Variants in HTR7 observed in about 807,000 individuals in gnomAD.
HTR7 encodes 5-hydroxytryptamine receptor 7, also known as 5-HT-7.
A neutral mutation model predicts 34.0 loss-of-function variants in HTR7; 16 were observed. The observed-to-expected ratio is 0.47, with a 90% CI of 0.32 to 0.71. The LOEUF (loss-of-function observed/expected upper bound fraction) is 0.71, where lower values mean the gene tolerates loss of function less well. HTR7 is among the 30% of genes least tolerant of loss of function. The pLI is 0.04. For synonymous variants in HTR7, 265 were observed against 260.2 expected (o/e 1.02, Z -0.18); for missense variants, 504 against 625.5 (o/e 0.81, Z 2.07).
At chr10:90,829,719 A>G (rs1329334581) in intron 1 of HTR7, among the ~76,000 whole-genome samples, 2 of 152,166 alleles carry the variant, frequency 1.3e-5, no homozygotes, top group Non-Finnish European at 2.9e-5. Context: ...ATTTGGAAAA[A>G]CCTGAAAACT....
intron 1 of HTR7, among the ~76,000 whole-genome samples, chr10:90,787,167 C>T (rs1845392447): frequency 6.6e-6 from 1 of 152,094 alleles, no homozygotes; most frequent in African/African-American, 2.4e-5. Flanking sequence ...CTACTATGTG[C>T]CAGACACACT....
rs751661989 is a variant in HTR7 at position 90,743,641 on chromosome 10, C to G, written c.1345G>C (p.Val449Leu). 2 of 1,613,908 alleles carry G rather than the reference C, an allele frequency of 1.2e-6. No individual in the cohort carries two copies. The highest frequency in any genetic ancestry group is 1.3e-5 in the African/African-American group (1 of 74,920). Reference sequence around the variant, plus strand: ...GGAGATTGTAGCACCCACACAGATACCGGTGGCCTCTTTTCTGGTCTCAAC... The same window carrying G: ...GGAGATTGTAGCACCCACACAGATAGCGGTGGCCTCTTTTCTGGTCTCAAC... ...VLLRPEKRPP[V>L]SVWVLQSPDH... Residue 449 changes from valine to leucine, a missense_variant, in exon 3 of 4, where the codon GTA becomes CTA. This residue lies in a region of HTR7 where 154 missense variants were observed against 212.1 expected (regional missense o/e 0.73). Coordinates refer to ENST00000336152, the MANE Select transcript of HTR7 (RefSeq NM_019859.4).
intron 1 of HTR7, among the ~76,000 whole-genome samples, chr10:90,840,216 T>C (rs1236402080): frequency 1.6e-5 from 2 of 125,566 alleles, no homozygotes; most frequent in Non-Finnish European, 3.5e-5. Flanking sequence ...CACACACACA[T>C]CTGGCCTCTC....
intron 1 of HTR7, among the ~76,000 whole-genome samples, chr10:90,785,669 T>G (rs112396112): frequency 0.017 from 2,603 of 152,330 alleles, 87 homozygotes; most frequent in African/African-American, 0.058. Flanking sequence ...CAAGAACCAG[T>G]ACTGAGCGTC....
chr10:90,769,544 A>G (rs886585876), intron 1 of HTR7, among the ~76,000 whole-genome samples: 2 of 152,226 alleles, frequency 1.3e-5, no homozygotes, highest in African/African-American at 4.8e-5. Flanking sequence ...ATGTTCATAT[A>G]TTTCCACTAA....
Position 90,857,235 on chromosome 10 carries a change from C to G in HTR7, c.437G>C (p.Gly146Ala). The G allele has an allele frequency of 6.2e-7, 1 of 1,614,146 alleles. No individual in the cohort carries two copies. The change falls in exon 1 of 4, where the codon GGC (glycine) becomes GCC (alanine). Residue 146 changes from glycine to alanine, a missense_variant. Transcript: ENST00000336152. The surrounding 1 kb of genome is among the most constrained non-coding windows in gnomAD (Gnocchi z 6.5). ...PFVSVTDLIG[G>A]KWIFGHFFCN... ...GAAAAAGTGTCCAAAGATCCACTTG[C>G]CCCCGATGAGGTCGGTGACGCTGAC... is the stretch of plus-strand genomic sequence containing the variant.
chr10:90,849,353 T>C (rs1846459621), intron 1 of HTR7, among the ~76,000 whole-genome samples: 1 of 152,178 alleles, frequency 6.6e-6, no homozygotes. Flanking sequence ...TTAATTGTTG[T>C]CAATCTAGAG....
At chr10:90,844,651 C>T (rs923958817) in intron 1 of HTR7, among the ~76,000 whole-genome samples, 8 of 138,946 alleles carry the variant, frequency 5.8e-5, no homozygotes, top group South Asian at 2.4e-4. Flanking sequence ...GGCATGAACC[C>T]GGGAGGCGTA....
intron 1 of HTR7, among the ~76,000 whole-genome samples, chr10:90,797,144 T>C (rs1845553021): frequency 6.6e-6 from 1 of 152,190 alleles, no homozygotes; most frequent in Admixed American, 6.5e-5. Flanking sequence ...GGATTATTTC[T>C]CCAACACTGG....
chr10:90,808,197 T>C lies in HTR7; in HGVS notation c.539+48936A>G, dbSNP rs868298877. ...CCCTTAGCGGCAAGTCCCACTTTTC[T>C]GGGGGGGGCAAGTACCCCAACCCCT... On this transcript the variant is annotated intron_variant, in intron 1 of 3. Transcript: ENST00000336152. Among the ~76,000 whole-genome samples, 14 of 151,788 alleles carry C rather than the reference T, an allele frequency of 9.2e-5. No individual in the cohort carries two copies. The Middle Eastern group carries it at 0.01, about 111-fold the overall frequency.
chr10:90,773,174 C>A (rs546585257), intron 1 of HTR7, among the ~76,000 whole-genome samples: 3 of 152,212 alleles, frequency 2.0e-5, no homozygotes. Flanking sequence ...CCCTTGCTTT[C>A]GGTCAAACTC....
chr10:90,801,152 C>T (rs904022770), intron 1 of HTR7, among the ~76,000 whole-genome samples: 3 of 152,158 alleles, frequency 2.0e-5, no homozygotes, highest in Admixed American at 6.5e-5. Flanking sequence ...CAGTCTTCAG[C>T]GTGGGCCCCA....
chr10:90,778,068 G>A (rs1242641363), intron 1 of HTR7, among the ~76,000 whole-genome samples: 1 of 152,098 alleles, frequency 6.6e-6, no homozygotes, highest in Non-Finnish European at 1.5e-5. Flanking sequence ...GATTCCAAAG[G>A]ACAAGGATGT....
intron 1 of HTR7, among the ~76,000 whole-genome samples, chr10:90,775,018 T>C (rs1406497604): frequency 3.9e-5 from 6 of 152,146 alleles, no homozygotes. Flanking sequence ...GCTCTCTAAA[T>C]AACGAAGAAG....
intron 1 of HTR7, among the ~76,000 whole-genome samples, chr10:90,832,238 C>T (rs182640523): frequency 7.2e-5 from 11 of 152,236 alleles, no homozygotes; most frequent in East Asian, 1.9e-4. Context: ...TGGCACTCGT[C>T]GGAGAGGCTC....
intron 1 of HTR7, among the ~76,000 whole-genome samples, chr10:90,841,435 T>A (rs1256322069): frequency 6.6e-6 from 1 of 152,188 alleles, no homozygotes; most frequent in East Asian, 1.9e-4. Flanking sequence ...AAAATCAAGG[T>A]GTCTACAGGC....
At chr10:90,809,287 T>C (rs981169099) in intron 1 of HTR7, among the ~76,000 whole-genome samples, 1 of 152,226 alleles carries the variant, frequency 6.6e-6, no homozygotes, top group South Asian at 2.1e-4. Flanking sequence ...AAAGACATAG[T>C]CAAGGTTAAT....
intron 1 of HTR7, among the ~76,000 whole-genome samples, chr10:90,779,149 A>G (rs533051565): frequency 1.3e-5 from 2 of 152,336 alleles, no homozygotes; most frequent in South Asian, 2.1e-4. Flanking sequence ...CACAGCCCCC[A>G]GGAGCCATCC....
intron 1 of HTR7, among the ~76,000 whole-genome samples, chr10:90,773,268 A>C (rs1412878173): frequency 6.6e-6 from 1 of 152,224 alleles, no homozygotes; most frequent in African/African-American, 2.4e-5. Flanking sequence ...TTCTACATTA[A>C]GTCAAGAAAA....
Sources: allele counts gnomAD v4.1 joint callset (sites outside exome capture counted in the v4.1 genomes callset), GRCh38; gene constraint gnomAD v4.1.1; regional missense constraint gnomAD v4.1.1; non-coding constraint Gnocchi (gnomAD v3.1); transcripts MANE v1.5; gene names NCBI Gene and HGNC (gene_info 2026-07-23, HGNC 2026-07-21).